ALK: variants seen among roughly 807,000 people sequenced by gnomAD.
The protein encoded by ALK is ALK tyrosine kinase receptor.
Under a neutral mutation model 163.1 loss-of-function variants are expected in ALK, and 74 were observed. That is an observed-to-expected ratio of 0.45 (90% CI 0.38 to 0.55). The LOEUF (loss-of-function observed/expected upper bound fraction) is 0.55, where lower values mean the gene tolerates loss of function less well. Among genes scored for constraint, ALK ranks in the 20% least tolerant of loss-of-function variants. The pLI, the probability that ALK is intolerant of heterozygous loss-of-function variation, is 0.00. For synonymous variants in ALK, 960 were observed against 843.2 expected, an observed-to-expected ratio of 1.14 and a Z score of -2.40; for missense variants, 2,063 against 2,105.3, an observed-to-expected ratio of 0.98 and a Z score of 0.39.
chr2:29,466,460 G>A (rs1356208391), intron 4 of ALK, among the ~76,000 whole-genome samples: 2 of 152,140 alleles, frequency 1.3e-5, no homozygotes, highest in African/African-American at 4.8e-5. Context: ...ACACATATGG[G>A]TGCTATCACA....
intron 3 of ALK, among the ~76,000 whole-genome samples, chr2:29,657,715 A>G (rs1016105069): frequency 6.6e-6 from 1 of 152,106 alleles, no homozygotes; most frequent in African/African-American, 2.4e-5. Context: ...AAGAAAGACA[A>G]TGAAAGACAA....
intron 2 of ALK, among the ~76,000 whole-genome samples, chr2:29,704,347 T>C (rs1678834978): frequency 6.6e-6 from 1 of 152,156 alleles, no homozygotes; most frequent in South Asian, 2.1e-4. Context: ...AATGTAGGCC[T>C]TCAGAGTCAT....
At chr2:29,295,641 G>C (rs78398379) in intron 9 of ALK, among the ~76,000 whole-genome samples, 2,098 of 152,318 alleles carry the variant, frequency 0.014, 47 homozygotes, top group African/African-American at 0.048. Flanking sequence ...GCAGTTATGA[G>C]CTCTTGGACA....
chr2:29,494,842 TCGTG>T (rs1175849904), intron 4 of ALK, among the ~76,000 whole-genome samples: 1 of 80,878 alleles, frequency 1.2e-5, no homozygotes, highest in Non-Finnish European at 2.6e-5. Flanking sequence ...CTTTAGAGAC[TCGTG>T]TGTGTGTGTG....
chr2:29,705,283 AT>A (rs1678874363), intron 2 of ALK, among the ~76,000 whole-genome samples: 2 of 50,852 alleles, frequency 3.9e-5, no homozygotes, highest in South Asian at 7.0e-4. Flanking sequence ...ATATATATAA[AT>A]ATATATCTGC....
intron 3 of ALK, among the ~76,000 whole-genome samples, chr2:29,612,279 A>G (rs886625704): frequency 1.7e-4 from 26 of 152,212 alleles, no homozygotes; most frequent in Non-Finnish European, 7.3e-5. Context: ...GCCTTTCTAA[A>G]TATAATTTGC....
At chr2:29,699,834 G>A (rs543144534) in intron 2 of ALK, among the ~76,000 whole-genome samples, 5 of 152,330 alleles carry the variant, frequency 3.3e-5, no homozygotes, top group African/African-American at 1.2e-4. Context: ...ATGGAAGAAA[G>A]GTAAGGTAAT....
At chr2:29,233,446 C>G (rs1664275025) in intron 14 of ALK, 119 bp downstream of exon 14, 3 of 1,464,196 alleles carry the variant, frequency 2.0e-6, no homozygotes, top group Non-Finnish European at 2.9e-6. Context: ...GTACCTGGCC[C>G]TGCTCATCTT....
At chr2:29,852,184 G>A (rs995904567) in intron 1 of ALK, among the ~76,000 whole-genome samples, 2 of 152,194 alleles carry the variant, frequency 1.3e-5, no homozygotes, top group Admixed American at 1.3e-4. Context: ...CCTTGGAAGA[G>A]GCTATGCTAA....
rs114434400 is a variant in ALK at position 29,478,727 on chromosome 2, G to A, written c.1154+53188C>T. 1.3e-3 allele frequency among the ~76,000 whole-genome samples: 191 copies of A among 152,352 alleles called. 1 individual carries two copies. The highest frequency in any genetic ancestry group is 4.5e-3 in the African/African-American group (187 of 41,586). On this transcript the variant is annotated intron_variant, in intron 4 of 28. Coordinates refer to ENST00000389048, the MANE Select transcript of ALK (RefSeq NM_004304.5). ...AAGAAAGCGGTCACTCAAAGGCTGG[G>A]TGGCCTGAGAAGAGGCTTCAAAGAG...
chr2:29,806,273 T>C (rs12714291), intron 1 of ALK, among the ~76,000 whole-genome samples: 129,529 of 152,072 alleles, frequency 0.85, 55,361 homozygotes, highest in Non-Finnish European at 0.87. Flanking sequence ...TTGCTGTCAG[T>C]GGGGAGAGGT....
In ALK at chr2:29,213,977, G is replaced by A. The variant is rs1436256175; in HGVS notation, c.3743+7C>T. 1.9e-6 allele frequency: 3 copies of A among 1,611,988 alleles called. No individual in the cohort carries two copies. The highest frequency in any genetic ancestry group is 2.5e-6 in the Non-Finnish European group (3 of 1,178,300). On this transcript the variant is annotated splice_region_variant and intron_variant, in intron 24 of 28. Coordinates refer to ENST00000389048, the MANE Select transcript of ALK (RefSeq NM_004304.5). ...ATGACAGGAAGAGCACAGTCACTTT[G>A]ACTCACCGGTGGATGAAGTGGTTTT... is the stretch of plus-strand genomic sequence containing the variant.
intron 1 of ALK, among the ~76,000 whole-genome samples, chr2:29,730,881 G>T (rs570189955): frequency 6.6e-6 from 1 of 152,230 alleles, no homozygotes; most frequent in South Asian, 2.1e-4. Context: ...GGAAGCTCTG[G>T]GTCAGGAGAT....
At chr2:29,711,554 C>A (rs1679101208) in intron 2 of ALK, among the ~76,000 whole-genome samples, 1 of 152,048 alleles carries the variant, frequency 6.6e-6, no homozygotes, top group East Asian at 1.9e-4. Flanking sequence ...CGGCACTCCA[C>A]GACTGTTGAC....
intron 4 of ALK, among the ~76,000 whole-genome samples, chr2:29,427,100 C>T (rs1428070153): frequency 7.5e-6 from 1 of 132,628 alleles, no homozygotes; most frequent in African/African-American, 2.8e-5. Flanking sequence ...AATTGTATTG[C>T]TGGGCCTAAA....
chr2:29,345,015 G>T (rs775980473), intron 5 of ALK, among the ~76,000 whole-genome samples: 16 of 152,126 alleles, frequency 1.1e-4, no homozygotes, highest in African/African-American at 2.4e-4. Flanking sequence ...AGCTATTTTG[G>T]TTTTTGCCAT....
intron 5 of ALK, among the ~76,000 whole-genome samples, chr2:29,338,067 T>G (rs1351039911): frequency 6.6e-6 from 1 of 151,916 alleles, no homozygotes; most frequent in Non-Finnish European, 1.5e-5. Flanking sequence ...TCCTAAGGAC[T>G]TTGAGAGGAC....
chr2:29,500,551 G>A (rs1280295344), intron 4 of ALK, among the ~76,000 whole-genome samples: 1 of 151,920 alleles, frequency 6.6e-6, no homozygotes, highest in Non-Finnish European at 1.5e-5. Context: ...CTTCTACCTG[G>A]TCTAGCCTCT....
intron 1 of ALK, among the ~76,000 whole-genome samples, chr2:29,804,631 T>A (rs149210838): frequency 6.6e-6 from 1 of 152,206 alleles, no homozygotes; most frequent in Non-Finnish European, 1.5e-5. Flanking sequence ...ATTGTCTGCG[T>A]TGGGTTTAAG....
Sources: allele counts gnomAD v4.1 joint callset (sites outside exome capture counted in the v4.1 genomes callset), GRCh38; gene constraint gnomAD v4.1.1; transcripts MANE v1.5; gene names NCBI Gene and HGNC (gene_info 2026-07-23, HGNC 2026-07-21).